Variants in FBN2 observed in about 807,000 individuals in gnomAD.
The protein encoded by FBN2 is fibrillin 2, also known as fibrillin-2.
Under a neutral mutation model 355.6 loss-of-function variants are expected in FBN2, and 105 were observed. The observed-to-expected ratio is 0.30, with a 90% CI of 0.25 to 0.35. FBN2 has a LOEUF of 0.35. Among genes scored for constraint, FBN2 ranks in the 10% least tolerant of loss-of-function variants. FBN2 has a pLI of 1.00. For missense variants in FBN2, 3,280 were observed against 3,758.7 expected (o/e 0.87, Z 3.33); for synonymous variants, 1,350 against 1,301.2 (o/e 1.04, Z -0.81).
intron 34 of FBN2, among the ~76,000 whole-genome samples, chr5:128,320,306 C>G (rs909739445): frequency 5.3e-5 from 8 of 151,932 alleles, no homozygotes; most frequent in African/African-American, 1.9e-4. Flanking sequence ...CCACAATCTC[C>G]TGGGCTCAAG....
At chr5:128,510,353 G>A (rs1378623855) in intron 5 of FBN2, among the ~76,000 whole-genome samples, 1 of 152,254 alleles carries the variant, frequency 6.6e-6, no homozygotes, top group Non-Finnish European at 1.5e-5. Context: ...AAGCCTGTGA[G>A]CCACAGGTGG....
At chr5:128,421,036 T>C (rs1235525888) in intron 7 of FBN2, among the ~76,000 whole-genome samples, 1 of 152,108 alleles carries the variant, frequency 6.6e-6, no homozygotes, top group Non-Finnish European at 1.5e-5. Context: ...TTCCAGACAA[T>C]GAAAATACTC....
rs1393754058 is a variant in FBN2, at chr5:128,366,383, C to T, written c.2296G>A (p.Gly766Arg). 6.3e-7 allele frequency: 1 copy of T among 1,587,424 alleles called. No individual in the cohort carries two copies. Among genetic ancestry groups the T allele is most frequent in the South Asian group, 1.1e-5 (1 of 89,896 alleles). The stretch of plus-strand genomic sequence containing the variant: ...TGAGATTAACTAGAGTTACCTCTTC[C>T]ATCCACAGTGATACCTACTCCACTA... Reference protein sequence around the residue: ...CSSGVGITVDGRDINECALDP... With the variant: ...CSSGVGITVDRRDINECALDP... The change falls in exon 17 of 65, where the codon GGA (glycine) becomes AGA (arginine). Residue 766 changes from glycine (G) to arginine (R), a missense_variant. By Grantham distance (125) the Gly-to-Arg change is moderately radical. Coordinates refer to ENST00000262464, the MANE Select transcript of FBN2 (RefSeq NM_001999.4).
At chr5:128,332,834 C>T in intron 32 of FBN2, 78 bp downstream of exon 32, 1 of 1,349,738 alleles carries the variant, frequency 7.4e-7, no homozygotes, top group Non-Finnish European at 1.1e-6. Context: ...AAGTGAAGAG[C>T]ATGATTCTAC....
intron 10 of FBN2, among the ~76,000 whole-genome samples, chr5:128,392,907 A>G (rs1429151216): frequency 6.6e-6 from 1 of 152,178 alleles, no homozygotes; most frequent in Admixed American, 6.5e-5. Flanking sequence ...AAGTTTACAG[A>G]ACATAAAAGT....
chr5:128,318,602 T>G (rs974756087), intron 35 of FBN2, among the ~76,000 whole-genome samples: 1 of 151,864 alleles, frequency 6.6e-6, no homozygotes, highest in African/African-American at 2.4e-5. Context: ...ACATGTACTA[T>G]ATATACATAT....
intron 36 of FBN2, among the ~76,000 whole-genome samples, chr5:128,315,176 GAAGA>G (rs958113772): frequency 6.6e-6 from 1 of 152,082 alleles, no homozygotes. Flanking sequence ...ATAATTTACA[GAAGA>G]AAGGTATATT....
chr5:128,264,735 T>C (rs1161852095), intron 62 of FBN2, among the ~76,000 whole-genome samples: 3 of 152,112 alleles, frequency 2.0e-5, no homozygotes, highest in Non-Finnish European at 4.4e-5. Flanking sequence ...ATGTGACAAG[T>C]ATATATTTCA....
chr5:128,453,036 C>A (rs1754294641), intron 6 of FBN2, among the ~76,000 whole-genome samples: 1 of 152,090 alleles, frequency 6.6e-6, no homozygotes, highest in Admixed American at 6.5e-5. Flanking sequence ...AATAATAGGT[C>A]TATTTCTATT....
chr5:128,397,731 G>T (rs1752685278), intron 8 of FBN2, among the ~76,000 whole-genome samples: 1 of 152,120 alleles, frequency 6.6e-6, no homozygotes, highest in South Asian at 2.1e-4. Flanking sequence ...GTCCCTAAAT[G>T]AGGTGAAATG....
At chr5:128,375,735 C>T (rs1286544141) in intron 14 of FBN2, among the ~76,000 whole-genome samples, 1 of 151,950 alleles carries the variant, frequency 6.6e-6, no homozygotes, top group Non-Finnish European at 1.5e-5. Flanking sequence ...AGGAAGGAAA[C>T]AAAGAAAAAC....
chr5:128,384,879 C>T (rs1752326123), intron 11 of FBN2, among the ~76,000 whole-genome samples: 1 of 151,964 alleles, frequency 6.6e-6, no homozygotes, highest in African/African-American at 2.4e-5. Flanking sequence ...AGGATCATGA[C>T]CAACTTCTTT....
intron 36 of FBN2, among the ~76,000 whole-genome samples, chr5:128,315,754 G>A (rs1378250113): frequency 6.6e-6 from 1 of 152,006 alleles, no homozygotes; most frequent in Non-Finnish European, 1.5e-5. Flanking sequence ...CACAAACCTG[G>A]GATGGTTCAG....
intron 19 of FBN2, among the ~76,000 whole-genome samples, chr5:128,358,609 C>G (rs1189432654): frequency 6.6e-6 from 1 of 151,996 alleles, no homozygotes; most frequent in African/African-American, 2.4e-5. Flanking sequence ...ATTGTTTATA[C>G]TGAGAAAACC....
chr5:128,401,520 C>T (rs1243170092), intron 8 of FBN2, among the ~76,000 whole-genome samples: 1 of 152,154 alleles, frequency 6.6e-6, no homozygotes, highest in African/African-American at 2.4e-5. Flanking sequence ...CAGTGGCTCA[C>T]ACCTGTAATC....
intron 4 of FBN2, among the ~76,000 whole-genome samples, chr5:128,523,640 A>C (rs1330178156): frequency 6.6e-6 from 1 of 151,932 alleles, no homozygotes; most frequent in African/African-American, 2.4e-5. Context: ...TCCAAAACAA[A>C]ACTCTTATCC....
chr5:128,463,340 A>G (rs1754609685), intron 6 of FBN2, among the ~76,000 whole-genome samples: 2 of 152,108 alleles, frequency 1.3e-5, no homozygotes, highest in Admixed American at 1.3e-4. Flanking sequence ...AGTAAACAAT[A>G]GATTAAAAAT....
chr5:128,368,458 A>G (rs1751838503), intron 16 of FBN2, among the ~76,000 whole-genome samples: 1 of 121,904 alleles, frequency 8.2e-6, no homozygotes, highest in Non-Finnish European at 1.6e-5. Flanking sequence ...ATATATACAC[A>G]TATATATACA....
At chr5:128,444,483 A>G (rs1279442797) in intron 7 of FBN2, among the ~76,000 whole-genome samples, 4 of 152,168 alleles carry the variant, frequency 2.6e-5, no homozygotes, top group Non-Finnish European at 5.9e-5. Flanking sequence ...CCTTCATAAA[A>G]CCTTTATATT....
Sources: allele counts gnomAD v4.1 joint callset (sites outside exome capture counted in the v4.1 genomes callset), GRCh38; gene constraint gnomAD v4.1.1; transcripts MANE v1.5; gene names NCBI Gene and HGNC (gene_info 2026-07-23, HGNC 2026-07-21).